Variants in FBXO42 observed in about 807,000 individuals in gnomAD.
The protein encoded by FBXO42 is F-box protein 42.
FBXO42 carries 12 observed loss-of-function variants against 71.7 expected under a neutral mutation model. The ratio of observed to expected loss-of-function variants is 0.17; its 90% confidence interval spans 0.11 to 0.27. The LOEUF (loss-of-function observed/expected upper bound fraction) is 0.27. Ranked by LOEUF, FBXO42 falls within the 10% of genes least tolerant of loss-of-function variation. The probability of loss-of-function intolerance (pLI) is 1.00; values close to 1 mark genes in which losing one functional copy is unlikely to be tolerated. For synonymous variants in FBXO42, 325 were observed against 327.5 expected, an observed-to-expected ratio of 0.99 and a Z score of 0.08; for missense variants, 707 against 911.9, an observed-to-expected ratio of 0.78 and a Z score of 2.89.
chr1:16,263,678 G>A (rs969747728), intron 4 of FBXO42, among the ~76,000 whole-genome samples: 2 of 147,734 alleles, frequency 1.4e-5, no homozygotes, highest in African/African-American at 5.0e-5. Context: ...AGCCAAGATC[G>A]CACCGTTGCA....
At chr1:16,284,724 T>C (rs891799188) in intron 4 of FBXO42, among the ~76,000 whole-genome samples, 8 of 152,088 alleles carry the variant, frequency 5.3e-5, no homozygotes, top group African/African-American at 1.9e-4. Context: ...TTCCAGCACT[T>C]TGGGAGGCCA....
At chr1:16,268,046 G>C (rs1422521826) in intron 4 of FBXO42, among the ~76,000 whole-genome samples, 1 of 151,486 alleles carries the variant, frequency 6.6e-6, no homozygotes, top group Non-Finnish European at 1.5e-5. Context: ...GTAGTCTTTT[G>C]ATTCAATTTC....
In FBXO42 at chr1:16,305,884, C is replaced by G; in HGVS notation, c.286G>C (p.Ala96Pro). Residue 96 changes from alanine to proline, a missense_variant, in exon 3 of 10, where the codon GCT (alanine) becomes CCT (proline). Ala to Pro is a conservative substitution (Grantham distance 27). This residue lies in a region of FBXO42 where 188 missense variants were observed against 230.5 expected (regional missense o/e 0.82). Coordinates refer to ENST00000375592, the MANE Select transcript of FBXO42 (RefSeq NM_018994.3). ...CACTGAATGTTTCCTTCCTGGACAG[C>G]CTTCATGAAACCATGATAACACTGA... ...AHQCYHGFMK[A>P]VQEGNIQWES... 1 of 1,614,082 alleles carries G rather than the reference C, an allele frequency of 6.2e-7. No individual in the cohort carries two copies. The highest frequency in any genetic ancestry group is 8.5e-7 in the Non-Finnish European group (1 of 1,179,990).
At chr1:16,311,988 G>A (rs2100570302) in intron 2 of FBXO42, among the ~76,000 whole-genome samples, 1 of 152,220 alleles carries the variant, frequency 6.6e-6, no homozygotes, top group African/African-American at 2.4e-5. Context: ...GTAAGTGAAT[G>A]GGTAAACAAA....
intron 1 of FBXO42, among the ~76,000 whole-genome samples, chr1:16,329,342 G>A (rs2082476501): frequency 6.6e-6 from 1 of 151,966 alleles, no homozygotes; most frequent in Non-Finnish European, 1.5e-5. Flanking sequence ...CTAGCACTTT[G>A]GGAGACTGAG....
At position 16,255,813 on chromosome 1, in the gene FBXO42, C is replaced by T. The variant is rs1364728226; in HGVS notation, c.665G>A (p.Cys222Tyr). 1.2e-6 allele frequency: 2 copies of T among 1,612,688 alleles called. No homozygotes were observed. The highest frequency in any genetic ancestry group is 3.4e-5 in the Admixed American group (2 of 59,684). ...AGGTGGCCCATGGGTTGTCACAATG[C>T]AGTTCCACCTAATGTAAAAAGACAG... is the stretch of plus-strand genomic sequence containing the variant. ...TYSPSKNWWN[C>Y]IVTTHGPPPM... The change falls in exon 6 of 10, where the codon TGC becomes TAC. Residue 222 changes from cysteine to tyrosine, a missense_variant. Transcript: ENST00000375592.
At chr1:16,258,914 T>A (rs1283333706) in intron 4 of FBXO42, among the ~76,000 whole-genome samples, 1 of 152,042 alleles carries the variant, frequency 6.6e-6, no homozygotes, top group Non-Finnish European at 1.5e-5. Context: ...ATTTTTAAAA[T>A]TTTTTTGTTG....
intron 4 of FBXO42, among the ~76,000 whole-genome samples, chr1:16,274,624 G>C (rs915834931): frequency 9.2e-6 from 1 of 108,810 alleles, no homozygotes; most frequent in South Asian, 3.0e-4. Context: ...ACGAAGTCTT[G>C]CTCTGTTGCC....
intron 4 of FBXO42, chr1:16,292,566 G>A (rs1201302801): frequency 6.6e-6 from 1 of 152,100 alleles, no homozygotes; most frequent in African/African-American, 2.4e-5. Flanking sequence ...TAAAGTGCTG[G>A]GGTTATAGGC....
Position 16,255,789 on chromosome 1 carries a change from G to C in FBXO42, c.689C>G (p.Pro230Arg), listed in dbSNP as rs149233902. The change falls in exon 6 of 10, where the codon CCT becomes CGT. Residue 230 changes from proline (P) to arginine (R), a missense_variant. This residue lies in a region of FBXO42 where 482 missense variants were observed against 587.1 expected (regional missense o/e 0.82). Coordinates refer to ENST00000375592, the MANE Select transcript of FBXO42 (RefSeq NM_018994.3). ...ACAGGAGGAGTGGCCAGCCATGGGA[G>C]GTGGCCCATGGGTTGTCACAATGCA... Reference protein sequence around the residue: ...WNCIVTTHGPPPMAGHSSCVI... With the variant: ...WNCIVTTHGPRPMAGHSSCVI... 5.7e-5 allele frequency: 92 copies of C among 1,613,860 alleles called. No individual in the cohort carries two copies. Among genetic ancestry groups the C allele is most frequent in the Admixed American group, 1.2e-4 (7 of 59,952 alleles).
At chr1:16,262,025 T>C (rs1198333845) in intron 4 of FBXO42, among the ~76,000 whole-genome samples, 1 of 152,186 alleles carries the variant, frequency 6.6e-6, no homozygotes, top group Non-Finnish European at 1.5e-5. Context: ...GTATATCAAA[T>C]TTTATGTGAC....
chr1:16,323,418 A>T (rs1182607290), intron 1 of FBXO42, among the ~76,000 whole-genome samples: 1 of 151,776 alleles, frequency 6.6e-6, no homozygotes, highest in African/African-American at 2.4e-5. Flanking sequence ...ACTCCGTCTC[A>T]AAAACAAACA....
At chr1:16,304,063 C>T (rs957879479) in intron 3 of FBXO42, among the ~76,000 whole-genome samples, 1 of 152,006 alleles carries the variant, frequency 6.6e-6, no homozygotes, top group African/African-American at 2.4e-5. Flanking sequence ...CCTTGGCCTC[C>T]CAAAGTGCTG....
chr1:16,305,573 G>A (rs2082241291), intron 3 of FBXO42, among the ~76,000 whole-genome samples: 1 of 152,014 alleles, frequency 6.6e-6, no homozygotes, highest in Admixed American at 6.6e-5. Flanking sequence ...AGTTAACCAG[G>A]TGTGATGGGG....
rs1208343763 is a variant in FBXO42, at chr1:16,249,575, G to T, written c.*1095C>A. The T allele has an allele frequency of 1.3e-5, 2 of 152,086 alleles. No individual in the cohort carries two copies. Among genetic ancestry groups the T allele is most frequent in the African/African-American group, 4.8e-5 (2 of 41,406 alleles). The allele number at this position is 152,086 out of a possible 1,614,324, so 9.4% of individuals were successfully genotyped here. ...GCTCAATGTGCTTTGGAAGTAAAAAGAAGCCCATAGGGAAAAAACAGTATC... is the reference window on the plus strand; with the variant it reads ...GCTCAATGTGCTTTGGAAGTAAAAATAAGCCCATAGGGAAAAAACAGTATC... On this transcript the variant is annotated 3_prime_UTR_variant, in exon 10 of 10. Transcript: ENST00000375592.
At chr1:16,279,356 G>A (rs895681340) in intron 4 of FBXO42, among the ~76,000 whole-genome samples, 1 of 152,138 alleles carries the variant, frequency 6.6e-6, no homozygotes, top group Non-Finnish European at 1.5e-5. Context: ...CTTGAGTCTA[G>A]GAGTTTGAGG....
intron 3 of FBXO42, among the ~76,000 whole-genome samples, chr1:16,305,167 T>C (rs1168584106): frequency 4.0e-5 from 6 of 151,776 alleles, no homozygotes; most frequent in Non-Finnish European, 8.8e-5. Flanking sequence ...GGAGGATCGC[T>C]TGAGCCCAGG....
At chr1:16,338,938 G>T (rs1033199535) in intron 1 of FBXO42, among the ~76,000 whole-genome samples, 4 of 150,528 alleles carry the variant, frequency 2.7e-5, no homozygotes, top group African/African-American at 4.9e-5. Flanking sequence ...AGCCTCCTGA[G>T]TAGCTGGGAT....
intron 3 of FBXO42, among the ~76,000 whole-genome samples, chr1:16,298,764 C>A (rs2082158216): frequency 6.6e-6 from 1 of 152,100 alleles, no homozygotes; most frequent in Non-Finnish European, 1.5e-5. Flanking sequence ...CTCGCCTCGG[C>A]CTCCCAAAGT....
Sources: allele counts gnomAD v4.1 joint callset (sites outside exome capture counted in the v4.1 genomes callset), GRCh38; gene constraint gnomAD v4.1.1; regional missense constraint gnomAD v4.1.1; transcripts MANE v1.5; gene names NCBI Gene and HGNC (gene_info 2026-07-23, HGNC 2026-07-21).